The following UMAD1 variants were observed in gnomAD, a reference collection of about 807,000 sequenced individuals.
UMAD1 encodes the protein UBAP1-MVB12-associated (UMA)-domain containing protein 1.
Under a neutral mutation model 6.1 loss-of-function variants are expected in UMAD1, and 8 were observed. The ratio of observed to expected loss-of-function variants is 1.30; its 90% CI spans 0.76 to 2.35. UMAD1 has a LOEUF of 2.35. Among genes scored for constraint, UMAD1 ranks in the 30% most tolerant of loss-of-function variants. The pLI is 0.00. For synonymous variants in UMAD1, 56 were observed against 31.4 expected (o/e 1.78, Z -2.61); for missense variants, 130 against 78.4 (o/e 1.66, Z -2.49).
intron 2 of UMAD1, among the ~76,000 whole-genome samples, chr7:7,743,862 C>CT (rs1373337514): frequency 6.6e-6 from 1 of 152,080 alleles, no homozygotes; most frequent in East Asian, 1.9e-4. Context: ...TCACCACTGT[C>CT]TATTTCTAAA....
At chr7:7,654,946 T>C (rs1016907530) in intron 1 of UMAD1, among the ~76,000 whole-genome samples, 7 of 151,994 alleles carry the variant, frequency 4.6e-5, no homozygotes, top group African/African-American at 1.7e-4. Context: ...TGTTGTACTG[T>C]TTTTTATTTT....
At chr7:7,697,761 T>C (rs569276904) in intron 2 of UMAD1, among the ~76,000 whole-genome samples, 1 of 152,340 alleles carries the variant, frequency 6.6e-6, no homozygotes, top group African/African-American at 2.4e-5. Context: ...AGATTTACTG[T>C]ATTTTTTCCT....
At chr7:7,661,558 G>C (rs555536087) in intron 1 of UMAD1, among the ~76,000 whole-genome samples, 2 of 152,256 alleles carry the variant, frequency 1.3e-5, no homozygotes, top group East Asian at 3.9e-4. Flanking sequence ...CCTTCTGACA[G>C]GCCCGTGTGC....
At chr7:7,668,271 G>A (rs1352171242) in intron 1 of UMAD1, among the ~76,000 whole-genome samples, 1 of 152,080 alleles carries the variant, frequency 6.6e-6, no homozygotes, top group African/African-American at 2.4e-5. Context: ...TGGGGCTACT[G>A]TAAGGATTAT....
At chr7:7,683,211 G>C (rs2115125005) in intron 2 of UMAD1, among the ~76,000 whole-genome samples, 1 of 152,206 alleles carries the variant, frequency 6.6e-6, no homozygotes, top group East Asian at 1.9e-4. Context: ...GTAAATTAGG[G>C]ATCTATCTCT....
At chr7:7,778,765 T>C (rs1022292749) in intron 2 of UMAD1, among the ~76,000 whole-genome samples, 2 of 152,240 alleles carry the variant, frequency 1.3e-5, no homozygotes, top group East Asian at 3.8e-4. Context: ...GTTGAGATTA[T>C]TTATTGTGAA....
At chr7:7,721,629 C>T (rs1026072073) in intron 2 of UMAD1, among the ~76,000 whole-genome samples, 1 of 152,158 alleles carries the variant, frequency 6.6e-6, no homozygotes, top group Admixed American at 6.5e-5. Context: ...CACTTCCACC[C>T]CAGGAAAGAT....
chr7:7,760,145 G>A (rs1203178836), intron 2 of UMAD1, among the ~76,000 whole-genome samples: 2 of 152,128 alleles, frequency 1.3e-5, no homozygotes, highest in Admixed American at 6.6e-5. Context: ...CCATCATGCT[G>A]TAGAGGCATG....
intron 3 of UMAD1, among the ~76,000 whole-genome samples, chr7:7,857,677 A>T (rs1454187163): frequency 6.6e-6 from 1 of 152,224 alleles, no homozygotes; most frequent in East Asian, 1.9e-4. Context: ...GCTTTTAGGG[A>T]TTAAAATAGT....
At chr7:7,743,950 C>T (rs529852183) in intron 2 of UMAD1, among the ~76,000 whole-genome samples, 12 of 152,056 alleles carry the variant, frequency 7.9e-5, no homozygotes, top group African/African-American at 2.2e-4. Flanking sequence ...ATAACATTAA[C>T]GTAAAGTGTA....
At chr7:7,667,328 G>C (rs1779490773) in intron 1 of UMAD1, among the ~76,000 whole-genome samples, 2 of 152,202 alleles carry the variant, frequency 1.3e-5, no homozygotes, top group South Asian at 4.1e-4. Flanking sequence ...AGAAGGAAAT[G>C]AGACTGGAGT....
intron 2 of UMAD1, among the ~76,000 whole-genome samples, chr7:7,710,723 A>T (rs183432608): frequency 1.1e-3 from 167 of 152,360 alleles, no homozygotes; most frequent in East Asian, 1.2e-3. Flanking sequence ...TTGAAGACGT[A>T]TATGTGCATA....
At chr7:7,730,516 T>G (rs11975862) in intron 2 of UMAD1, among the ~76,000 whole-genome samples, 4,072 of 152,278 alleles carry the variant, frequency 0.027, 196 homozygotes, top group African/African-American at 0.091. Context: ...TCTGATTGCA[T>G]TCATACTTGC....
intron 3 of UMAD1, among the ~76,000 whole-genome samples, chr7:7,860,998 C>T (rs1383860556): frequency 6.6e-6 from 1 of 152,038 alleles, no homozygotes; most frequent in Non-Finnish European, 1.5e-5. Context: ...TGACCAGACA[C>T]AAAAGGATAT....
intron 2 of UMAD1, among the ~76,000 whole-genome samples, chr7:7,686,394 G>A (rs575474038): frequency 6.6e-6 from 1 of 152,246 alleles, no homozygotes; most frequent in East Asian, 1.9e-4. Context: ...TTTTAAAGCA[G>A]TAAAGTTATG....
At chr7:7,669,018 A>ACAGTACTCC (rs1488290778) in intron 1 of UMAD1, among the ~76,000 whole-genome samples, 3 of 152,088 alleles carry the variant, frequency 2.0e-5, no homozygotes, top group African/African-American at 7.2e-5. Context: ...GAGAAAACCC[A>ACAGTACTCC]CACAGACGTA....
intron 1 of UMAD1, among the ~76,000 whole-genome samples, chr7:7,646,727 G>C (rs1283410830): frequency 1.3e-5 from 2 of 151,946 alleles, no homozygotes; most frequent in African/African-American, 4.8e-5. Flanking sequence ...GAGTTCGGCT[G>C]TCCCATGGCC....
At chr7:7,659,924 G>T (rs1785433547) in intron 1 of UMAD1, among the ~76,000 whole-genome samples, 1 of 152,146 alleles carries the variant, frequency 6.6e-6, no homozygotes, top group Non-Finnish European at 1.5e-5. Context: ...CACTATTATT[G>T]TGTTGGAGTC....
intron 3 of UMAD1, among the ~76,000 whole-genome samples, chr7:7,833,399 T>C (rs530608733): frequency 9.3e-4 from 142 of 151,928 alleles, no homozygotes; most frequent in Non-Finnish European, 1.2e-3. Flanking sequence ...TATCCTGACA[T>C]GTGACCACCG....
Sources: allele counts gnomAD v4.1 joint callset (sites outside exome capture counted in the v4.1 genomes callset), GRCh38; gene constraint gnomAD v4.1.1; transcripts MANE v1.5; gene names NCBI Gene and HGNC (gene_info 2026-07-23, HGNC 2026-07-21).